The following ESCO1 variants were observed in gnomAD, a reference collection of about 807,000 sequenced individuals.
The protein encoded by ESCO1 is N-acetyltransferase ESCO1.
ESCO1 carries 33 observed loss-of-function variants against 83.5 expected under a neutral mutation model. The ratio of observed to expected loss-of-function variants is 0.40; its 90% CI spans 0.30 to 0.53. The LOEUF (loss-of-function observed/expected upper bound fraction) is 0.53. Ranked by LOEUF, ESCO1 falls within the 20% of genes least tolerant of loss-of-function variation. ESCO1 has a pLI of 0.63. For synonymous variants in ESCO1, 332 were observed against 324.3 expected (o/e 1.02, Z -0.25); for missense variants, 855 against 968.0 (o/e 0.88, Z 1.55).
chr18:21,599,559 C>A (rs535749664), intron 1 of ESCO1, among the ~76,000 whole-genome samples: 1 of 152,252 alleles, frequency 6.6e-6, no homozygotes, highest in South Asian at 2.1e-4. Flanking sequence ...TTGTTTCCTG[C>A]GAAGCTTATT....
At position 21,574,857 on chromosome 18, in the gene ESCO1, C is replaced by T. The variant is rs2038398993; in HGVS notation, c.-14G>A. On this transcript the variant is annotated 5_prime_UTR_variant, in exon 4 of 12. Coordinates refer to ENST00000269214, the MANE Select transcript of ESCO1 (RefSeq NM_052911.3). ...AATGGACATCATTCCTGAGTAATGA[C>T]TTTCTTTTCTGAGTAGTTTTGAAGA... 1 of 1,553,684 alleles carries T rather than the reference C, an allele frequency of 6.4e-7. No homozygotes were observed. Among genetic ancestry groups the T allele is most frequent in the Non-Finnish European group, 8.6e-7 (1 of 1,163,450 alleles).
chr18:21,575,140 GAA>G lies in ESCO1; in HGVS notation c.-299_-298del. 1 of 370,352 alleles carries G rather than the reference GAA, an allele frequency of 2.7e-6. No homozygotes were observed. Among genetic ancestry groups the G allele is most frequent in the East Asian group, 3.9e-5 (1 of 25,368 alleles). 22.9% of individuals were successfully genotyped at this position (370,352 alleles called of 1,614,324 possible). A position where few individuals can be genotyped will look rare whatever the true frequency, so the allele number is the denominator to read the frequency against. On this transcript the variant is annotated 5_prime_UTR_variant, in exon 4 of 12. Coordinates refer to ENST00000269214, the MANE Select transcript of ESCO1 (RefSeq NM_052911.3). ...TTTTTAATAAGTTTTTTTATCAAAA[GAA>G]ATTTAATTCAGGTTCAATCTGTTTT...
chr18:21,556,994 G>A (rs187404492), intron 8 of ESCO1, among the ~76,000 whole-genome samples: 2 of 152,010 alleles, frequency 1.3e-5, no homozygotes, highest in African/African-American at 2.4e-5. Flanking sequence ...GCCACTGACC[G>A]GTATTGTCGA....
intron 9 of ESCO1, among the ~76,000 whole-genome samples, chr18:21,538,975 C>T (rs2037870690): frequency 6.6e-6 from 1 of 151,730 alleles, no homozygotes. Flanking sequence ...TAAAATGGTT[C>T]CAGGATTCAT....
intron 1 of ESCO1, among the ~76,000 whole-genome samples, chr18:21,596,519 G>A (rs567522369): frequency 6.6e-6 from 1 of 151,956 alleles, no homozygotes; most frequent in South Asian, 2.1e-4. Context: ...ATATTACAGG[G>A]AAAATGTTTT....
At chr18:21,552,658 A>C (rs1297818165) in intron 8 of ESCO1, among the ~76,000 whole-genome samples, 1 of 152,242 alleles carries the variant, frequency 6.6e-6, no homozygotes, top group Non-Finnish European at 1.5e-5. Flanking sequence ...CAGATCAATG[A>C]AACAGGACAG....
At chr18:21,551,196 C>T (rs937949847) in intron 8 of ESCO1, among the ~76,000 whole-genome samples, 3 of 151,352 alleles carry the variant, frequency 2.0e-5, no homozygotes, top group South Asian at 2.1e-4. Flanking sequence ...CCAGGCCGGG[C>T]GCAGTGGCTC....
chr18:21,573,540 T>C lies in ESCO1; in HGVS notation c.1304A>G (p.Gln435Arg), dbSNP rs747553183. ...PALEMHHPVT[Q>R]STFLGTKLHD... ...TAGCTTTGTCCCTAAAAACGTACTTTGAGTCACTGGATGATGCATTTCTAA... is the reference window on the plus strand; with the variant it reads ...TAGCTTTGTCCCTAAAAACGTACTTCGAGTCACTGGATGATGCATTTCTAA... The change falls in exon 4 of 12, where the codon CAA becomes CGA. Residue 435 changes from glutamine to arginine, a missense_variant. By Grantham distance (43) the Gln-to-Arg change is conservative (BLOSUM62 1). Coordinates refer to ENST00000269214, the MANE Select transcript of ESCO1 (RefSeq NM_052911.3). The C allele has an allele frequency of 1.2e-6, 2 of 1,614,084 alleles. No individual in the cohort carries two copies. Among genetic ancestry groups the C allele is most frequent in the East Asian group, 2.2e-5 (1 of 44,866 alleles).
chr18:21,595,019 GT>G lies in ESCO1; in HGVS notation c.-825+5603del, dbSNP rs1325854252. 4.7e-5 allele frequency among the ~76,000 whole-genome samples: 7 copies of G among 150,216 alleles called. No homozygotes were observed. The East Asian group carries it at 7.9e-4, about 17-fold the overall frequency. On this transcript the variant is annotated intron_variant, in intron 1 of 11. Coordinates refer to ENST00000269214, the MANE Select transcript of ESCO1 (RefSeq NM_052911.3). ...GAGAGCACCACCATGTCTGGCTAGT[GT>G]TTTTTTTGTAGAGACGGGGTTTCGC...
rs555069287 is a variant in ESCO1, at chr18:21,530,069, A to G, written c.*274T>C. The G allele has an allele frequency of 3.7e-6, 1 of 270,700 alleles. No homozygotes were observed. The highest frequency in any genetic ancestry group is 1.5e-4 in the South Asian group (1 of 6,468). The allele number at this position is 270,700 out of a possible 1,614,324, so 16.8% of individuals were successfully genotyped here. A position where few individuals can be genotyped will look rare whatever the true frequency, so the allele number is the denominator to read the frequency against. On this transcript the variant is annotated 3_prime_UTR_variant, in exon 12 of 12. Coordinates refer to ENST00000269214, the MANE Select transcript of ESCO1 (RefSeq NM_052911.3). ...TGCATTAGTTTTCAGTCCACTATGA[A>G]CAATTATCTGCTGCATGTAAACATG...
chr18:21,545,468 G>A (rs918532650), intron 8 of ESCO1, among the ~76,000 whole-genome samples: 5 of 151,400 alleles, frequency 3.3e-5, no homozygotes, highest in African/African-American at 9.7e-5. Context: ...AGCTACTCAG[G>A]AGGCTGAGGC....
intron 8 of ESCO1, among the ~76,000 whole-genome samples, chr18:21,553,430 A>G (rs1419067557): frequency 7.3e-6 from 1 of 136,680 alleles, no homozygotes; most frequent in Non-Finnish European, 1.5e-5. Flanking sequence ...ACACCGCAAC[A>G]CTCCATTTCT....
intron 1 of ESCO1, among the ~76,000 whole-genome samples, chr18:21,591,923 T>A (rs373222757): frequency 6.6e-6 from 1 of 151,144 alleles, no homozygotes; most frequent in Non-Finnish European, 1.5e-5. Context: ...CATCTTGCAC[T>A]GCCCTTAATC....
chr18:21,563,899 C>T (rs1373489269), intron 7 of ESCO1, among the ~76,000 whole-genome samples: 3 of 147,062 alleles, frequency 2.0e-5, no homozygotes, highest in Non-Finnish European at 4.5e-5. Flanking sequence ...CAAATGCCCT[C>T]CTGCTGGGGT....
chr18:21,599,183 A>G (rs2146244332), intron 1 of ESCO1, among the ~76,000 whole-genome samples: 1 of 152,304 alleles, frequency 6.6e-6, no homozygotes, highest in South Asian at 2.1e-4. Flanking sequence ...CAACAAATAG[A>G]AAACTTAGCC....
intron 1 of ESCO1, among the ~76,000 whole-genome samples, chr18:21,590,112 C>G (rs897697580): frequency 7.2e-5 from 11 of 152,112 alleles, no homozygotes; most frequent in African/African-American, 2.7e-4. Context: ...CAGGCATGAG[C>G]CACTGCGTCC....
intron 9 of ESCO1, 136 bp from the exon 10 acceptor site, chr18:21,536,321 G>A: frequency 1.0e-6 from 1 of 977,346 alleles, no homozygotes; most frequent in South Asian, 1.9e-5. Flanking sequence ...TGGGTGTGGT[G>A]GTTCACACCT....
rs964300 is a variant in ESCO1, at chr18:21,542,026, G to A, written c.1954-2017C>T. ...AACTTCAGACTTGTATGTTCATGCCGAAATTTTTATCACAATTCCATTTGA... is the reference window on the plus strand; with the variant it reads ...AACTTCAGACTTGTATGTTCATGCCAAAATTTTTATCACAATTCCATTTGA... On this transcript the variant is annotated intron_variant, in intron 8 of 11. Transcript: ENST00000269214. Among the ~76,000 whole-genome samples, 538 of 152,152 alleles carry A rather than the reference G, an allele frequency of 3.5e-3. 4 individuals carry two copies. The highest frequency in any genetic ancestry group is 0.012 in the African/African-American group (516 of 41,516).
intron 1 of ESCO1, among the ~76,000 whole-genome samples, chr18:21,595,325 C>T (rs2038746687): frequency 1.4e-5 from 2 of 147,568 alleles, no homozygotes; most frequent in South Asian, 2.1e-4. Flanking sequence ...GATCACGCCA[C>T]TGCACTCCAG....
Sources: allele counts gnomAD v4.1 joint callset (sites outside exome capture counted in the v4.1 genomes callset), GRCh38; gene constraint gnomAD v4.1.1; transcripts MANE v1.5; gene names NCBI Gene and HGNC (gene_info 2026-07-23, HGNC 2026-07-21).